The following PCDH15 variants were observed in gnomAD, a reference collection of about 807,000 sequenced individuals.
PCDH15 encodes protocadherin-15.
PCDH15 carries 129 observed loss-of-function variants against 178.5 expected under a neutral mutation model. The ratio of observed to expected loss-of-function variants is 0.72; its 90% CI spans 0.63 to 0.84. The LOEUF (loss-of-function observed/expected upper bound fraction) is 0.84. Among genes scored for constraint, PCDH15 ranks in the 40% least tolerant of loss-of-function variants. The pLI is 0.00. For missense variants in PCDH15, 2,230 were observed against 2,099.9 expected (o/e 1.06, Z -1.21); for synonymous variants, 800 against 732.0 (o/e 1.09, Z -1.50).
In PCDH15 at chr10:54,153,236, C is replaced by A; in HGVS notation, c.1648G>T (p.Val550Phe). Residue 550 changes from valine (V) to phenylalanine (F), a missense_variant, in exon 14 of 38, where the codon GTT becomes TTT. Physicochemically the swap from Val to Phe is conservative, Grantham distance 50. Coordinates refer to ENST00000644397, the MANE Select transcript of PCDH15 (RefSeq NM_001384140.1). ...ATGATGAAGTCTCCCTGAGCCCCAA[C>A]AAGGATTTCATATGTGATCTCCCCA... Reference protein sequence around the residue: ...SNGEITYEILVGAQGDFIINK... With the variant: ...SNGEITYEILFGAQGDFIINK... 1 of 1,613,858 alleles carries A rather than the reference C, an allele frequency of 6.2e-7. No homozygotes were observed. The highest frequency in any genetic ancestry group is 1.3e-5 in the African/African-American group (1 of 75,004).
intron 1 of PCDH15, among the ~76,000 whole-genome samples, chr10:55,228,725 A>G (rs1461009620): frequency 1.3e-5 from 2 of 151,952 alleles, no homozygotes; most frequent in Non-Finnish European, 2.9e-5. Context: ...AACACCTCTT[A>G]TATCTGTTAT....
chr10:55,078,844 A>G (rs989257488), intron 2 of PCDH15, among the ~76,000 whole-genome samples: 1 of 151,860 alleles, frequency 6.6e-6, no homozygotes, highest in Non-Finnish European at 1.5e-5. Flanking sequence ...CTCATAGCTT[A>G]GCTCCCATTT....
intron 1 of PCDH15, among the ~76,000 whole-genome samples, chr10:54,726,130 G>C (rs1942462973): frequency 6.6e-6 from 1 of 150,970 alleles, no homozygotes; most frequent in South Asian, 2.1e-4. Flanking sequence ...GGAATTGTGA[G>C]TGAGCAGCAA....
chr10:54,031,458 C>T (rs2093292817), intron 18 of PCDH15, among the ~76,000 whole-genome samples: 1 of 151,376 alleles, frequency 6.6e-6, no homozygotes, highest in South Asian at 2.1e-4. Flanking sequence ...TAATAGGAGA[C>T]ACTGTTAGAG....
intron 9 of PCDH15, among the ~76,000 whole-genome samples, chr10:54,232,425 T>G (rs1390644449): frequency 1.3e-5 from 2 of 152,238 alleles, no homozygotes; most frequent in African/African-American, 4.8e-5. Context: ...TAACAGGTAG[T>G]TATTTATAGC....
chr10:54,947,685 C>T (rs1261228825), intron 2 of PCDH15, among the ~76,000 whole-genome samples: 1 of 151,866 alleles, frequency 6.6e-6, no homozygotes, highest in African/African-American at 2.4e-5. Context: ...TGAAACTCAG[C>T]TTTCTTTCTA....
chr10:54,900,331 A>G (rs1954618660), intron 2 of PCDH15, among the ~76,000 whole-genome samples: 1 of 152,188 alleles, frequency 6.6e-6, no homozygotes, highest in Non-Finnish European at 1.5e-5. Flanking sequence ...GTGTAAAAAA[A>G]AGAAGGTTGT....
At chr10:53,850,799 A>G (rs1353431859) in intron 28 of PCDH15, among the ~76,000 whole-genome samples, 1 of 152,136 alleles carries the variant, frequency 6.6e-6, no homozygotes, top group Non-Finnish European at 1.5e-5. Flanking sequence ...TTCAACTCCA[A>G]CTATATCTTT....
chr10:54,798,963 G>T (rs1952350208), intron 1 of PCDH15, among the ~76,000 whole-genome samples: 1 of 152,014 alleles, frequency 6.6e-6, no homozygotes, highest in Non-Finnish European at 1.5e-5. Flanking sequence ...CAATAAAGTA[G>T]TCACATTTAT....
At chr10:54,576,189 A>C (rs558296937) in intron 2 of PCDH15, among the ~76,000 whole-genome samples, 45 of 152,194 alleles carry the variant, frequency 3.0e-4, no homozygotes, top group Non-Finnish European at 5.9e-4. Context: ...CTGATGTAGA[A>C]CTGCTGCTTT....
intron 2 of PCDH15, among the ~76,000 whole-genome samples, chr10:55,502,835 T>C (rs1565202172): frequency 6.6e-6 from 1 of 151,710 alleles, no homozygotes; most frequent in Admixed American, 6.6e-5. Context: ...TTATACTTGT[T>C]ATTCTTTTTT....
intron 2 of PCDH15, among the ~76,000 whole-genome samples, chr10:54,626,774 C>T (rs1179077092): frequency 1.3e-5 from 2 of 152,110 alleles, no homozygotes; most frequent in Non-Finnish European, 2.9e-5. Flanking sequence ...GGGCCACTGT[C>T]CTCCAGACCC....
At chr10:53,998,032 G>A (rs1408849564) in intron 20 of PCDH15, among the ~76,000 whole-genome samples, 6 of 152,110 alleles carry the variant, frequency 3.9e-5, no homozygotes, top group African/African-American at 1.4e-4. Context: ...TTTATGCTCA[G>A]GGACATCTGA....
intron 1 of PCDH15, among the ~76,000 whole-genome samples, chr10:55,200,304 T>C (rs1455017460): frequency 6.6e-6 from 1 of 152,126 alleles, no homozygotes. Flanking sequence ...ATTTTGGAGC[T>C]TTACAATTTA....
Position 55,501,762 on chromosome 10 carries a change from G to T in PCDH15, c.-156+125863C>A, listed in dbSNP as rs567891662. ...AAACTAACAGAATCTCAGTGAAGAG[G>T]CATTGTTTAAAGCACCTGTGAATTG... is the stretch of plus-strand genomic sequence containing the variant. On this transcript the variant is annotated intron_variant, in intron 2 of 5. Transcript: ENST00000613346. 6.6e-5 allele frequency among the ~76,000 whole-genome samples: 10 copies of T among 151,730 alleles called. No homozygotes were observed. In the East Asian group the frequency reaches 9.8e-4, roughly 15 times the overall value.
intron 8 of PCDH15, among the ~76,000 whole-genome samples, chr10:54,240,293 C>A (rs1424970952): frequency 1.4e-5 from 2 of 145,164 alleles, no homozygotes; most frequent in South Asian, 2.2e-4. Context: ...CAGGGTAAAT[C>A]CAAAGAAAAC....
At chr10:55,349,568 C>T (rs1442512033) in intron 2 of PCDH15, among the ~76,000 whole-genome samples, 1 of 151,922 alleles carries the variant, frequency 6.6e-6, no homozygotes, top group African/African-American at 2.4e-5. Context: ...CCTCTTCTCA[C>T]AGCACATAAC....
intron 18 of PCDH15, among the ~76,000 whole-genome samples, chr10:54,063,002 A>C (rs11594638): frequency 0.17 from 26,279 of 152,194 alleles, 2,626 homozygotes; most frequent in Non-Finnish European, 0.23. Context: ...AGTTTTCAGC[A>C]ATGTGGCATT....
intron 23 of PCDH15, among the ~76,000 whole-genome samples, chr10:53,946,231 A>T (rs1033187240): frequency 2.6e-5 from 4 of 152,178 alleles, no homozygotes; most frequent in African/African-American, 9.7e-5. Flanking sequence ...ACTGCAGCCC[A>T]GAATGCAGTG....
Sources: allele counts gnomAD v4.1 joint callset (sites outside exome capture counted in the v4.1 genomes callset), GRCh38; gene constraint gnomAD v4.1.1; transcripts MANE v1.5; gene names NCBI Gene and HGNC (gene_info 2026-07-23, HGNC 2026-07-21).